CASZ1: variants seen among roughly 807,000 people sequenced by gnomAD.
The protein encoded by CASZ1 is castor zinc finger 1.
Under a neutral mutation model 135.2 loss-of-function variants are expected in CASZ1, and 28 were observed. That is an observed-to-expected ratio of 0.21 (90% CI 0.15 to 0.28). The LOEUF (loss-of-function observed/expected upper bound fraction) is 0.28. Among genes scored for constraint, CASZ1 ranks in the 10% least tolerant of loss-of-function variants. The pLI is 1.00. For synonymous variants in CASZ1, 1,068 were observed against 1,073.4 expected, an observed-to-expected ratio of 0.99 and a Z score of 0.10; for missense variants, 2,161 against 2,453.3, an observed-to-expected ratio of 0.88 and a Z score of 2.52.
Position 10,660,200 on chromosome 1 carries a change from C to T in CASZ1, c.842G>A (p.Ser281Asn), listed in dbSNP as rs564195343. ...GTLPGLRLPS[S>N]TAHLETKATI... ...GGCCTTGGTCTCCAGGTGGGCCGTG[C>T]TGCTGGGCAGCCGCAGGCCGGGCAG... The change falls in exon 6 of 21, where the codon AGC (serine) becomes AAC (asparagine). Residue 281 changes from serine to asparagine, a missense_variant. By Grantham distance (46) the Ser-to-Asn change is conservative. Transcript: ENST00000377022. The T allele has an allele frequency of 1.9e-6, 3 of 1,613,196 alleles. No homozygotes were observed. The highest frequency in any genetic ancestry group is 1.1e-5 in the South Asian group (1 of 91,066).
Position 10,659,959 on chromosome 1 carries a change from C to G in CASZ1, c.1083G>C (p.Gly361=). 6.2e-7 allele frequency: 1 copy of G among 1,613,142 alleles called. No homozygotes were observed. The highest frequency in any genetic ancestry group is 8.5e-7 in the Non-Finnish European group (1 of 1,179,978). The change falls in exon 6 of 21, where the codon GGG becomes GGC. Residue 361 remains glycine (G), a synonymous_variant. Coordinates refer to ENST00000377022, the MANE Select transcript of CASZ1 (RefSeq NM_001079843.3). ...KPGEGSPDMG[G]AIAFKTGKVG... is the part of the protein sequence containing the mutation. ...CCTTGCCTGTCTTGAAGGCGATGGC[C>G]CCGCCCATGTCGGGGCTGCCCTCCC...
At chr1:10,684,624 C>A (rs1034684660) in intron 4 of CASZ1, among the ~76,000 whole-genome samples, 2 of 152,184 alleles carry the variant, frequency 1.3e-5, no homozygotes, top group Non-Finnish European at 2.9e-5. Context: ...GGGGTTCACA[C>A]ACATGGGTCT....
intron 4 of CASZ1, among the ~76,000 whole-genome samples, chr1:10,668,513 C>T (rs1643306364): frequency 2.0e-5 from 3 of 152,170 alleles, no homozygotes; most frequent in South Asian, 4.1e-4. Context: ...GCTCTGCTTC[C>T]CCAGAGACGG....
In CASZ1 at chr1:10,777,302, GA is replaced by G. The variant is rs372065524; in HGVS notation, c.-233-16446del. ...ACCGCAGGGTTGGGACCCCTATGAG[GA>G]CCACGGAGAGGGGCGTCCGAGTCCT... On this transcript the variant is annotated intron_variant, in intron 1 of 20. Coordinates refer to ENST00000377022, the MANE Select transcript of CASZ1 (RefSeq NM_001079843.3). The surrounding 1 kb of genome is among the most constrained non-coding windows in gnomAD (Gnocchi z 4.4). Among the ~76,000 whole-genome samples the G allele has an allele frequency of 6.6e-4, 100 of 152,264 alleles. 2 individuals carry two copies. The East Asian group carries it at 0.018, about 28-fold the overall frequency.
intron 6 of CASZ1, among the ~76,000 whole-genome samples, chr1:10,659,408 T>C (rs1489731065): frequency 6.6e-6 from 1 of 151,608 alleles, no homozygotes; most frequent in African/African-American, 2.4e-5. Flanking sequence ...GTGGGTGGCG[T>C]GTGTGGGGGG....
At chr1:10,733,022 C>T (rs1639730442) in intron 2 of CASZ1, among the ~76,000 whole-genome samples, 1 of 152,108 alleles carries the variant, frequency 6.6e-6, no homozygotes, top group Non-Finnish European at 1.5e-5. Context: ...CTGGGAAAGC[C>T]CATGGTCCTC....
chr1:10,668,564 G>T (rs1332206719), intron 4 of CASZ1, among the ~76,000 whole-genome samples: 1 of 152,244 alleles, frequency 6.6e-6, no homozygotes, highest in Non-Finnish European at 1.5e-5. Flanking sequence ...GCTGGGCCGG[G>T]GCCTGGGACC....
intron 4 of CASZ1, among the ~76,000 whole-genome samples, chr1:10,678,782 A>G (rs922498632): frequency 6.6e-6 from 1 of 150,400 alleles, no homozygotes; most frequent in African/African-American, 2.4e-5. Context: ...GACAGACGCT[A>G]TATCGCTATC....
At chr1:10,643,356 G>A (rs765714885) in intron 18 of CASZ1, 45 bp from the exon 19 acceptor site, 11 of 1,601,692 alleles carry the variant, frequency 6.9e-6, no homozygotes, top group South Asian at 3.4e-5. Context: ...GCTGGCCAGC[G>A]CTCATGGCTT....
intron 2 of CASZ1, among the ~76,000 whole-genome samples, chr1:10,749,038 C>T (rs546010477): frequency 6.6e-6 from 1 of 152,276 alleles, no homozygotes; most frequent in East Asian, 1.9e-4. Flanking sequence ...GCGGCTGCTG[C>T]GTCCCAGCTT....
At chr1:10,675,021 CG>C (rs1245828564) in intron 4 of CASZ1, among the ~76,000 whole-genome samples, 4 of 152,062 alleles carry the variant, frequency 2.6e-5, no homozygotes, top group Admixed American at 1.3e-4. Context: ...AGATACCCCC[CG>C]CAACCAACTG....
Position 10,707,825 on chromosome 1 carries a change from A to T in CASZ1, c.-76-2281T>A, listed in dbSNP as rs1175739921. 6.6e-6 allele frequency among the ~76,000 whole-genome samples: 1 copy of T among 152,132 alleles called. No individual in the cohort carries two copies. ...GCCCATATGAGTGAGTGGCCAGCAC[A>T]TCTGGGACCTGGTAGCTGACGTAGT... On this transcript the variant is annotated intron_variant, in intron 2 of 20. Coordinates refer to ENST00000377022, the MANE Select transcript of CASZ1 (RefSeq NM_001079843.3). This position sits in a 1 kb window ranked among gnomAD's most constrained non-coding sequence, Gnocchi z 5.0.
At chr1:10,738,194 G>A (rs1340885229) in intron 2 of CASZ1, among the ~76,000 whole-genome samples, 1 of 152,154 alleles carries the variant, frequency 6.6e-6, no homozygotes, top group Non-Finnish European at 1.5e-5. Context: ...GAGAGGTGGG[G>A]CTGCTTCAGC....
chr1:10,761,404 T>C (rs531207511), intron 1 of CASZ1, among the ~76,000 whole-genome samples: 47 of 152,324 alleles, frequency 3.1e-4, no homozygotes, highest in African/African-American at 9.9e-4. Flanking sequence ...CGACCCAGGA[T>C]AGTGAATTTA....
chr1:10,706,719 G>T lies in CASZ1; in HGVS notation c.-76-1175C>A, dbSNP rs1639180541. 6.6e-6 allele frequency among the ~76,000 whole-genome samples: 1 copy of T among 152,228 alleles called. No individual in the cohort carries two copies. Among genetic ancestry groups the T allele is most frequent in the Non-Finnish European group, 1.5e-5 (1 of 68,034 alleles). On this transcript the variant is annotated intron_variant, in intron 2 of 20. Transcript: ENST00000377022. The surrounding 1 kb of genome is among the most constrained non-coding windows in gnomAD (Gnocchi z 4.3). The stretch of plus-strand genomic sequence containing the variant: ...TTGTGTTGGGCTGCCCGGGCAGAGG[G>T]TGCCCACTGGGGCGGAGCCTGCCCT...
chr1:10,706,203 G>A lies in CASZ1; in HGVS notation c.-76-659C>T, dbSNP rs758293256. ...GGGAGAGGGACGATGGTCAGACAAC[G>A]TGGAGGCTTTAACCAACACGCGGCC... On this transcript the variant is annotated intron_variant, in intron 2 of 20. Transcript: ENST00000377022. The surrounding 1 kb of genome is among the most constrained non-coding windows in gnomAD (Gnocchi z 4.3). Among the ~76,000 whole-genome samples the A allele has an allele frequency of 1.3e-5, 2 of 152,240 alleles. No homozygotes were observed. The highest frequency in any genetic ancestry group is 4.8e-5 in the African/African-American group (2 of 41,474).
chr1:10,793,104 T>A (rs2100638798), intron 1 of CASZ1, among the ~76,000 whole-genome samples: 1 of 152,328 alleles, frequency 6.6e-6, no homozygotes, highest in Non-Finnish European at 1.5e-5. Flanking sequence ...TTTTTCTTAT[T>A]AAAAAATTAT....
rs1316196624 is a variant in CASZ1 at position 10,701,920 on chromosome 1, A to G, written c.-24+3572T>C. On this transcript the variant is annotated intron_variant, in intron 3 of 20. Coordinates refer to ENST00000377022, the MANE Select transcript of CASZ1 (RefSeq NM_001079843.3). The surrounding 1 kb of genome is among the most constrained non-coding windows in gnomAD (Gnocchi z 6.3). ...TCAGTTTCTCCACCTCCCCCGGCCCATCCCCCGTTGGGCTGAGCCATCCTG... is the reference window on the plus strand; with the variant it reads ...TCAGTTTCTCCACCTCCCCCGGCCCGTCCCCCGTTGGGCTGAGCCATCCTG... Among the ~76,000 whole-genome samples, 1 of 152,140 alleles carries G rather than the reference A, an allele frequency of 6.6e-6. No individual in the cohort carries two copies. The highest frequency in any genetic ancestry group is 2.4e-5 in the African/African-American group (1 of 41,434).
Position 10,639,300 on chromosome 1 carries a change from A to T in CASZ1, c.4922T>A (p.Leu1641Gln), listed in dbSNP as rs1015021204. ...FLQSAAAGLG[L>Q]ALGDAGDPGP... The stretch of plus-strand genomic sequence containing the variant: ...GGGGTCGCCCGCGTCGCCCAGCGCC[A>T]GGCCCAGGCCGGCGGCCGCCGACTG... The change falls in exon 21 of 21, where the codon CTG becomes CAG. Residue 1641 changes from leucine (L) to glutamine (Q), a missense_variant. Leu to Gln is a moderately radical substitution (Grantham distance 113). Transcript: ENST00000377022. The surrounding 1 kb of genome is among the most constrained non-coding windows in gnomAD (Gnocchi z 4.0). 8 of 1,355,580 alleles carry T rather than the reference A, an allele frequency of 5.9e-6. No individual in the cohort carries two copies. Among genetic ancestry groups the T allele is most frequent in the Middle Eastern group, 2.7e-4 (1 of 3,662 alleles). The allele number at this position is 1,355,580 out of a possible 1,614,324, so 84.0% of individuals were successfully genotyped here. A position where few individuals can be genotyped will look rare whatever the true frequency, so the allele number is the denominator to read the frequency against.
Sources: gnomAD v4.1 joint callset for allele counts (sites outside exome capture counted in the v4.1 genomes callset) on GRCh38, gnomAD v4.1.1 for gene constraint, Gnocchi (gnomAD v3.1) non-coding constraint, MANE v1.5 for transcripts, NCBI Gene and HGNC (gene_info 2026-07-23, HGNC 2026-07-21) for gene names.